IGSF21: variants seen among roughly 807,000 people sequenced by gnomAD.
IGSF21 encodes immunoglobin superfamily member 21.
Under a neutral mutation model 46.8 loss-of-function variants are expected in IGSF21, and 28 were observed. That is an observed-to-expected ratio of 0.60 (90% CI 0.44 to 0.82). IGSF21 has a LOEUF of 0.82. IGSF21 is among the 40% of genes least tolerant of loss of function. The pLI is 0.00. For missense variants in IGSF21, 624 were observed against 665.5 expected (o/e 0.94, Z 0.69); for synonymous variants, 284 against 273.6 (o/e 1.04, Z -0.38).
chr1:18,364,426 C>T (rs568932591), intron 5 of IGSF21, among the ~76,000 whole-genome samples: 48 of 149,844 alleles, frequency 3.2e-4, no homozygotes, highest in Middle Eastern at 3.4e-3. Flanking sequence ...CAGTCCCTCC[C>T]TCCACACACT....
intron 1 of IGSF21, chr1:18,112,359 C>T (rs1178888058): frequency 6.6e-6 from 1 of 152,166 alleles, no homozygotes; most frequent in Non-Finnish European, 1.5e-5. Context: ...GTGTTTAAGG[C>T]TCAGTGGGAA....
Position 18,108,212 on chromosome 1 carries a change from C to A in IGSF21, c.70+14C>A. 2.9e-6 allele frequency: 4 copies of A among 1,376,852 alleles called. No homozygotes were observed. The highest frequency in any genetic ancestry group is 3.2e-5 in the Admixed American group (1 of 31,092). 85.3% of individuals were successfully genotyped at this position (1,376,852 alleles called of 1,614,324 possible). A position where few individuals can be genotyped will look rare whatever the true frequency, so the allele number is the denominator to read the frequency against. Reference sequence around the variant, plus strand: ...ACCTGGCGCGCGGTGAGTGCGCGGGCGCCTGGCGGGAGCCGAGCGGTGAAC... The same window carrying A: ...ACCTGGCGCGCGGTGAGTGCGCGGGAGCCTGGCGGGAGCCGAGCGGTGAAC... On this transcript the variant is annotated intron_variant, in intron 1 of 9. Coordinates refer to ENST00000251296, the MANE Select transcript of IGSF21 (RefSeq NM_032880.5).
chr1:18,170,802 T>C (rs544978957), intron 1 of IGSF21, among the ~76,000 whole-genome samples: 4 of 152,208 alleles, frequency 2.6e-5, no homozygotes, highest in African/African-American at 7.2e-5. Flanking sequence ...TGTCCATGAT[T>C]CTTCCAGGCT....
At chr1:18,124,425 G>T (rs1363322685) in intron 1 of IGSF21, among the ~76,000 whole-genome samples, 2 of 152,186 alleles carry the variant, frequency 1.3e-5, no homozygotes, top group East Asian at 3.8e-4. Context: ...AAGGGGTTGC[G>T]CAGCTTGTAA....
At chr1:18,349,078 T>C (rs2085924034) in intron 4 of IGSF21, among the ~76,000 whole-genome samples, 1 of 152,214 alleles carries the variant, frequency 6.6e-6, no homozygotes, top group African/African-American at 2.4e-5. Flanking sequence ...AGAGCTTTCT[T>C]TGGTTTAATT....
At chr1:18,377,971 C>G (rs1184244060) in intron 9 of IGSF21, among the ~76,000 whole-genome samples, 1 of 152,194 alleles carries the variant, frequency 6.6e-6, no homozygotes, top group Non-Finnish European at 1.5e-5. Flanking sequence ...TGCCACACCC[C>G]CTCCCTACAT....
chr1:18,125,840 G>A (rs943328371), intron 1 of IGSF21, among the ~76,000 whole-genome samples: 4 of 152,176 alleles, frequency 2.6e-5, no homozygotes, highest in African/African-American at 9.7e-5. Flanking sequence ...TTCAGGATTG[G>A]GCAGGGGCCC....
At chr1:18,351,656 GCTTCC>G (rs2085956990) in intron 4 of IGSF21, among the ~76,000 whole-genome samples, 1 of 152,182 alleles carries the variant, frequency 6.6e-6, no homozygotes, top group South Asian at 2.1e-4. Flanking sequence ...GCTTCCGTGG[GCTTCC>G]AGAGGCTTCT....
At chr1:18,216,465 T>C (rs879120989) in intron 1 of IGSF21, among the ~76,000 whole-genome samples, 3 of 152,060 alleles carry the variant, frequency 2.0e-5, no homozygotes, top group Admixed American at 2.0e-4. Flanking sequence ...AGAAATATCA[T>C]TGAGATTTTA....
Position 18,378,412 on chromosome 1 carries a change from C to G in IGSF21, c.*86C>G. 1 of 1,133,148 alleles carries G rather than the reference C, an allele frequency of 8.8e-7. No individual in the cohort carries two copies. Among genetic ancestry groups the G allele is most frequent in the Non-Finnish European group, 1.3e-6 (1 of 775,930 alleles). The allele number at this position is 1,133,148 out of a possible 1,614,324, so 70.2% of individuals were successfully genotyped here. On this transcript the variant is annotated 3_prime_UTR_variant, in exon 10 of 10. Transcript: ENST00000251296. ...TTTCTAAACTATTTCCAGTCTTGTT[C>G]TTAGTCTCTTTCCATCTGTGTCTTG...
intron 2 of IGSF21, among the ~76,000 whole-genome samples, chr1:18,281,714 G>C (rs2085163103): frequency 6.6e-6 from 1 of 152,074 alleles, no homozygotes; most frequent in South Asian, 2.1e-4. Flanking sequence ...CTCTCTTTAG[G>C]GGCAAGCCAT....
At chr1:18,180,521 G>T (rs1189745196) in intron 1 of IGSF21, among the ~76,000 whole-genome samples, 3 of 152,208 alleles carry the variant, frequency 2.0e-5, no homozygotes, top group Non-Finnish European at 4.4e-5. Context: ...ATAAAACAAA[G>T]TGTAGACAGG....
chr1:18,368,344 A>AG (rs201386284), intron 6 of IGSF21, among the ~76,000 whole-genome samples: 3,293 of 77,466 alleles, frequency 0.043, 111 homozygotes, highest in African/African-American at 0.12. Context: ...TCTCTACTAA[A>AG]AAAAAAAAAT....
At chr1:18,295,046 T>C (rs575667142) in intron 3 of IGSF21, among the ~76,000 whole-genome samples, 2 of 152,306 alleles carry the variant, frequency 1.3e-5, no homozygotes, top group East Asian at 3.9e-4. Context: ...TACCAAGAAT[T>C]GGCTGAGAGC....
intron 3 of IGSF21, among the ~76,000 whole-genome samples, chr1:18,293,560 C>T (rs58646878): frequency 6.6e-6 from 1 of 152,160 alleles, no homozygotes; most frequent in Non-Finnish European, 1.5e-5. Flanking sequence ...GTTATGATTT[C>T]TCCTGAACCT....
In IGSF21 at chr1:18,273,429, C is replaced by CA. The variant is rs1557618268; in HGVS notation, c.184-18437_184-18436insA. ...CCTTTCCTTTCTTTTCCTTTCCTTT[C>CA]CTTTCTTTCTTTCTCACTTTCTTTC... On this transcript the variant is annotated intron_variant, in intron 2 of 9. Transcript: ENST00000251296. Among the ~76,000 whole-genome samples, 8 of 134,696 alleles carry CA rather than the reference C, an allele frequency of 5.9e-5. No individual in the cohort carries two copies. The East Asian group carries it at 6.2e-4, about 10-fold the overall frequency. 88.4% of individuals were successfully genotyped at this position (134,696 alleles called of 152,430 possible). A position where few individuals can be genotyped will look rare whatever the true frequency, so the allele number is the denominator to read the frequency against.
rs78611832 is a variant in IGSF21, at chr1:18,181,257, G to T, written c.71-46641G>T. 6.4e-3 allele frequency among the ~76,000 whole-genome samples: 969 copies of T among 152,310 alleles called. 8 individuals carry two copies. The highest frequency in any genetic ancestry group is 0.01 in the Non-Finnish European group (687 of 68,032). On this transcript the variant is annotated intron_variant, in intron 1 of 9. Coordinates refer to ENST00000251296, the MANE Select transcript of IGSF21 (RefSeq NM_032880.5). ...GAAGCCCCATCCTACACGTAGCTGT[G>T]AGCACATAGCTCTGCCGAACTCCAA...
chr1:18,309,573 C>G (rs2085461910), intron 3 of IGSF21, among the ~76,000 whole-genome samples: 1 of 152,126 alleles, frequency 6.6e-6, no homozygotes, highest in South Asian at 2.1e-4. Flanking sequence ...CACATCTGTC[C>G]CTTTGACAAT....
chr1:18,214,936 T>G (rs2084428173), intron 1 of IGSF21, among the ~76,000 whole-genome samples: 1 of 152,184 alleles, frequency 6.6e-6, no homozygotes, highest in Non-Finnish European at 1.5e-5. Context: ...GAGACGGGGT[T>G]TCACCATGTT....
Sources: allele counts gnomAD v4.1 joint callset (sites outside exome capture counted in the v4.1 genomes callset), GRCh38; gene constraint gnomAD v4.1.1; transcripts MANE v1.5; gene names NCBI Gene and HGNC (gene_info 2026-07-23, HGNC 2026-07-21).